The following LRRC7 variants were observed in gnomAD, a reference collection of about 807,000 sequenced individuals.
The protein encoded by LRRC7 is leucine-rich repeat-containing protein 7.
Under a neutral mutation model 175.7 loss-of-function variants are expected in LRRC7, and 23 were observed. The ratio of observed to expected loss-of-function variants is 0.13; its 90% CI spans 0.09 to 0.19. The LOEUF (loss-of-function observed/expected upper bound fraction) is 0.19, where lower values mean the gene tolerates loss of function less well. Among genes scored for constraint, LRRC7 ranks in the 10% least tolerant of loss-of-function variants. LRRC7 has a pLI of 1.00. For missense variants in LRRC7, 1,354 were observed against 1,904.7 expected (o/e 0.71, Z 5.38); for synonymous variants, 685 against 680.9 (o/e 1.01, Z -0.09).
At chr1:69,954,554 A>C (rs1483679003) in intron 8 of LRRC7, among the ~76,000 whole-genome samples, 1 of 152,030 alleles carries the variant, frequency 6.6e-6, no homozygotes, top group East Asian at 1.9e-4. Context: ...AAAAAGAAAA[A>C]ATAGACCAAA....
At chr1:69,996,858 C>T (rs1222820203) in intron 11 of LRRC7, among the ~76,000 whole-genome samples, 3 of 151,936 alleles carry the variant, frequency 2.0e-5, no homozygotes, top group Non-Finnish European at 4.4e-5. Flanking sequence ...GTTCTTTTGG[C>T]TTAGGATTGA....
chr1:69,845,532 C>T (rs1682261932), intron 7 of LRRC7, among the ~76,000 whole-genome samples: 1 of 151,764 alleles, frequency 6.6e-6, no homozygotes, highest in South Asian at 2.1e-4. Context: ...TTTTTAAAAT[C>T]CTTCCTTCCT....
At chr1:70,080,552 T>A (rs1015564553) in intron 24 of LRRC7, among the ~76,000 whole-genome samples, 1 of 152,232 alleles carries the variant, frequency 6.6e-6, no homozygotes. Flanking sequence ...CACGTTTATT[T>A]TTCAGAAATA....
intron 8 of LRRC7, among the ~76,000 whole-genome samples, chr1:69,946,860 C>T (rs1269084319): frequency 1.3e-5 from 2 of 151,858 alleles, no homozygotes; most frequent in African/African-American, 4.8e-5. Flanking sequence ...GGTGGATCAC[C>T]TGAGGTTGGG....
intron 8 of LRRC7, among the ~76,000 whole-genome samples, chr1:69,946,936 C>T (rs138711862): frequency 6.6e-6 from 1 of 151,714 alleles, no homozygotes; most frequent in Non-Finnish European, 1.5e-5. Context: ...AACTTAGCCA[C>T]TCGTGGTGGT....
intron 8 of LRRC7, among the ~76,000 whole-genome samples, chr1:69,942,606 C>T (rs1032214058): frequency 6.6e-6 from 1 of 152,028 alleles, no homozygotes; most frequent in Admixed American, 6.6e-5. Flanking sequence ...CACTTGCATT[C>T]CTTACGTGGC....
At chr1:70,098,733 A>C (rs1048725475) in intron 25 of LRRC7, among the ~76,000 whole-genome samples, 1 of 151,754 alleles carries the variant, frequency 6.6e-6, no homozygotes, top group African/African-American at 2.4e-5. Context: ...GAAATGGATA[A>C]ATTCCTTGAC....
At chr1:69,963,453 G>A (rs934153492) in intron 8 of LRRC7, among the ~76,000 whole-genome samples, 2 of 152,160 alleles carry the variant, frequency 1.3e-5, no homozygotes, top group Admixed American at 6.5e-5. Flanking sequence ...AGCCCAAGAA[G>A]TAAGCAAGGG....
intron 8 of LRRC7, among the ~76,000 whole-genome samples, chr1:69,962,768 T>C (rs2101848087): frequency 6.6e-6 from 1 of 152,020 alleles, no homozygotes; most frequent in Admixed American, 6.6e-5. Flanking sequence ...AAGTGGGAGC[T>C]AAAAATGAGA....
intron 7 of LRRC7, chr1:69,879,775 A>G (rs1241229994): frequency 6.6e-6 from 1 of 152,300 alleles, no homozygotes; most frequent in Non-Finnish European, 1.5e-5. Context: ...GGGGTGAACC[A>G]ACTCAGGTCG....
intron 25 of LRRC7, among the ~76,000 whole-genome samples, chr1:70,099,554 A>G (rs1481243947): frequency 1.3e-5 from 2 of 152,150 alleles, no homozygotes; most frequent in African/African-American, 2.4e-5. Context: ...AGATGACATG[A>G]TTGTATATCT....
chr1:70,025,258 TTA>T (rs1553191481), intron 17 of LRRC7, among the ~76,000 whole-genome samples: 3 of 150,342 alleles, frequency 2.0e-5, no homozygotes, highest in Non-Finnish European at 4.4e-5. Flanking sequence ...TCATTTATTT[TTA>T]GTGTATAAAT....
At chr1:69,791,735 A>T (rs1422691164) in intron 3 of LRRC7, among the ~76,000 whole-genome samples, 2 of 152,024 alleles carry the variant, frequency 1.3e-5, no homozygotes, top group Non-Finnish European at 2.9e-5. Context: ...CAACTCCAGA[A>T]GTTACTTAAA....
chr1:70,008,515 G>A (rs538427628), intron 11 of LRRC7, among the ~76,000 whole-genome samples: 10 of 152,090 alleles, frequency 6.6e-5, no homozygotes, highest in African/African-American at 9.7e-5. Flanking sequence ...ATTTCATCTA[G>A]AACACAGGTA....
Position 70,023,213 on chromosome 1 carries a change from T to C in LRRC7, c.1633T>C (p.Trp545Arg), listed in dbSNP as rs1406985430. Residue 545 changes from tryptophan to arginine, a missense_variant, in exon 17 of 27, where the codon TGG becomes CGG. Physicochemically the swap from Trp to Arg is moderately radical, Grantham distance 101 (BLOSUM62 -3). This residue lies in a region of LRRC7 where 1,032 missense variants were observed against 1,227.2 expected (regional missense o/e 0.84). Transcript: ENST00000651989. ...ARLSGDCCTPWARCDQQIQDM... is the reference protein window; with the variant it reads ...ARLSGDCCTPRARCDQQIQDM... The stretch of plus-strand genomic sequence containing the variant: ...ACTGTCTGGCGATTGCTGCACACCA[T>C]GGGCCAGGTGTGATCAGCAGATCCA... 2 of 1,605,988 alleles carry C rather than the reference T, an allele frequency of 1.2e-6. No homozygotes were observed. The highest frequency in any genetic ancestry group is 1.7e-5 in the Admixed American group (1 of 59,434).
chr1:70,092,956 G>A (rs1156929584), intron 25 of LRRC7, among the ~76,000 whole-genome samples: 1 of 152,120 alleles, frequency 6.6e-6, no homozygotes, highest in Non-Finnish European at 1.5e-5. Flanking sequence ...AAGGGATAGA[G>A]CACAATTAGC....
At chr1:69,628,245 T>TA (rs35991759) in intron 1 of LRRC7, among the ~76,000 whole-genome samples, 11,742 of 151,996 alleles carry the variant, frequency 0.077, 557 homozygotes, top group Non-Finnish European at 0.11. Flanking sequence ...TCAGAATGAG[T>TA]AAAAAAAATT....
At chr1:69,781,848 A>AGG (rs1673731776) in intron 3 of LRRC7, among the ~76,000 whole-genome samples, 1 of 104,888 alleles carries the variant, frequency 9.5e-6, no homozygotes. Flanking sequence ...GAAGGAAGGG[A>AGG]GAGAAAGAAA....
intron 8 of LRRC7, among the ~76,000 whole-genome samples, chr1:69,958,922 T>C (rs562465749): frequency 6.6e-6 from 1 of 152,212 alleles, no homozygotes; most frequent in African/African-American, 2.4e-5. Flanking sequence ...GTGAGGAGGC[T>C]GAAGCCCAAG....
Sources: allele counts gnomAD v4.1 joint callset (sites outside exome capture counted in the v4.1 genomes callset), GRCh38; gene constraint gnomAD v4.1.1; regional missense constraint gnomAD v4.1.1; transcripts MANE v1.5; gene names NCBI Gene and HGNC (gene_info 2026-07-23, HGNC 2026-07-21).